TLN2: variants seen among roughly 807,000 people sequenced by gnomAD.
The protein encoded by TLN2 is talin 2.
TLN2 carries 118 observed loss-of-function variants against 294.7 expected under a neutral mutation model. That is an observed-to-expected ratio of 0.40 (90% CI 0.34 to 0.47). The LOEUF is 0.47. TLN2 is among the 20% of genes least tolerant of loss of function. The pLI is 0.84. For missense variants in TLN2, 3,083 were observed against 3,282.2 expected (o/e 0.94, Z 1.48); for synonymous variants, 1,431 against 1,304.5 (o/e 1.10, Z -2.09).
In TLN2 at chr15:62,840,709, C is replaced by T. The variant is rs570841148; in HGVS notation, c.*99C>T. On this transcript the variant is annotated 3_prime_UTR_variant, in exon 59 of 59. Coordinates refer to ENST00000636159, the MANE Select transcript of TLN2 (RefSeq NM_015059.3). ...GGGCACTTAGCTGGAAACCGCCCAC[C>T]TCCCTCCCGGGTGAGCCTGGAGCCC... 3 of 1,493,882 alleles carry T rather than the reference C, an allele frequency of 2.0e-6. No individual in the cohort carries two copies. Among genetic ancestry groups the T allele is most frequent in the African/African-American group, 2.8e-5 (2 of 71,228 alleles). 92.5% of individuals were successfully genotyped at this position (1,493,882 alleles called of 1,614,324 possible).
intron 14 of TLN2, among the ~76,000 whole-genome samples, chr15:62,696,709 A>T (rs1291743985): frequency 6.6e-6 from 1 of 152,184 alleles, no homozygotes; most frequent in Admixed American, 6.5e-5. Context: ...ACTCTGTCTT[A>T]AAAAAATAAA....
chr15:62,455,076 G>T (rs1314154861), intron 1 of TLN2, among the ~76,000 whole-genome samples: 1 of 151,920 alleles, frequency 6.6e-6, no homozygotes, highest in Non-Finnish European at 1.5e-5. Context: ...TTTGAGCAAA[G>T]GAGGGAGAAA....
chr15:62,685,243 A>G (rs2057179651), intron 11 of TLN2, among the ~76,000 whole-genome samples: 1 of 152,156 alleles, frequency 6.6e-6, no homozygotes, highest in Non-Finnish European at 1.5e-5. Context: ...ACTTCCATAA[A>G]ACCAATTGTT....
At chr15:62,683,127 A>C (rs2056977005) in intron 11 of TLN2, 1 of 152,098 alleles carries the variant, frequency 6.6e-6, no homozygotes, top group Non-Finnish European at 1.5e-5. Flanking sequence ...CCAACCTAGA[A>C]CTCTAGTGAG....
At chr15:62,618,118 T>C (rs1393649396) in intron 2 of TLN2, among the ~76,000 whole-genome samples, 1 of 151,902 alleles carries the variant, frequency 6.6e-6, no homozygotes, top group Non-Finnish European at 1.5e-5. Flanking sequence ...ATTCTTGAGA[T>C]ATGTGTTTGG....
chr15:62,432,496 A>G (rs1220511179), intron 1 of TLN2, among the ~76,000 whole-genome samples: 5 of 152,178 alleles, frequency 3.3e-5, no homozygotes, highest in African/African-American at 1.2e-4. Flanking sequence ...AACACCTCTC[A>G]ACACTGTTGC....
At chr15:62,423,772 G>T (rs1213959217) in intron 1 of TLN2, among the ~76,000 whole-genome samples, 1 of 152,060 alleles carries the variant, frequency 6.6e-6, no homozygotes, top group Non-Finnish European at 1.5e-5. Flanking sequence ...TAGAGACTGG[G>T]TTTCTCCATG....
intron 52 of TLN2, among the ~76,000 whole-genome samples, chr15:62,814,047 A>G (rs58449071): frequency 0.097 from 14,771 of 152,192 alleles, 846 homozygotes; most frequent in South Asian, 0.17. Context: ...ACCTCAGGTG[A>G]TCTGCCCACC....
At chr15:62,538,291 C>G (rs1429514470) in intron 1 of TLN2, among the ~76,000 whole-genome samples, 1 of 152,162 alleles carries the variant, frequency 6.6e-6, no homozygotes, top group African/African-American at 2.4e-5. Flanking sequence ...CCTCTCCATT[C>G]TTCCATCAAG....
chr15:62,578,899 C>T (rs1411615706), intron 1 of TLN2, among the ~76,000 whole-genome samples: 1 of 152,132 alleles, frequency 6.6e-6, no homozygotes, highest in Non-Finnish European at 1.5e-5. Context: ...CTTGAATATT[C>T]CTTCTCTGTG....
At chr15:62,768,801 C>G (rs1387330240) in intron 41 of TLN2, among the ~76,000 whole-genome samples, 1 of 152,228 alleles carries the variant, frequency 6.6e-6, no homozygotes, top group Admixed American at 6.5e-5. Context: ...GAGCACCTAG[C>G]CTTTACTGAG....
intron 48 of TLN2, among the ~76,000 whole-genome samples, chr15:62,798,294 C>T (rs906709929): frequency 6.6e-6 from 1 of 152,122 alleles, no homozygotes; most frequent in Non-Finnish European, 1.5e-5. Context: ...CTGTGACTTC[C>T]GCTTCTGATA....
intron 26 of TLN2, among the ~76,000 whole-genome samples, chr15:62,723,639 A>G (rs993715660): frequency 4.7e-5 from 7 of 149,702 alleles, no homozygotes; most frequent in Admixed American, 4.1e-4. Context: ...AATCTGCTGA[A>G]CTTAAGCAGT....
chr15:62,540,923 G>C (rs2041647127), intron 1 of TLN2, among the ~76,000 whole-genome samples: 2 of 152,112 alleles, frequency 1.3e-5, no homozygotes, highest in Non-Finnish European at 2.9e-5. Context: ...TATTTCCCCA[G>C]TCCAACTCAG....
intron 1 of TLN2, among the ~76,000 whole-genome samples, chr15:62,541,751 A>G (rs901998575): frequency 6.6e-6 from 1 of 152,136 alleles, no homozygotes. Context: ...ATTTTTATAT[A>G]TAGGTGTGTA....
rs1005068541 is a variant in TLN2, at chr15:62,416,984, C to T, written c.-238+26299C>T. Among the ~76,000 whole-genome samples the T allele has an allele frequency of 1.1e-4, 17 of 152,280 alleles. No individual in the cohort carries two copies. In the South Asian group the frequency reaches 2.1e-3, roughly 19 times the overall value. ...TCCGCTTCCTATCTCCAGAACATCC[C>T]GGCCAGCAGTTGCCCAGTGGCTCAG... On this transcript the variant is annotated intron_variant, in intron 1 of 58. Transcript: ENST00000636159.
At chr15:62,800,223 T>C (rs2065832588) in intron 48 of TLN2, 145 bp from the exon 49 acceptor site, 1 of 1,328,456 alleles carries the variant, frequency 7.5e-7, no homozygotes, top group South Asian at 1.4e-5. Flanking sequence ...AAGGGTGGCT[T>C]CCCAGGAGGT....
At chr15:62,742,263 T>A (rs1391444) in intron 32 of TLN2, among the ~76,000 whole-genome samples, 1 of 152,034 alleles carries the variant, frequency 6.6e-6, no homozygotes, top group South Asian at 2.1e-4. Flanking sequence ...GTGGGAGAGA[T>A]GGGAGGTGGG....
At chr15:62,553,424 G>T (rs2042432969) in intron 1 of TLN2, among the ~76,000 whole-genome samples, 1 of 152,104 alleles carries the variant, frequency 6.6e-6, no homozygotes, top group African/African-American at 2.4e-5. Flanking sequence ...GGCGGAGGTT[G>T]CGGCGAGCCG....
Sources: gnomAD v4.1 joint callset for allele counts (sites outside exome capture counted in the v4.1 genomes callset) on GRCh38, gnomAD v4.1.1 for gene constraint, MANE v1.5 for transcripts, NCBI Gene and HGNC (gene_info 2026-07-23, HGNC 2026-07-21) for gene names.